Variants in MAST4 observed in about 807,000 individuals in gnomAD.
The protein encoded by MAST4 is microtubule associated serine/threonine kinase family member 4.
A neutral mutation model predicts 162.7 loss-of-function variants in MAST4; 89 were observed. The ratio of observed to expected loss-of-function variants is 0.55; its 90% CI spans 0.46 to 0.65. The LOEUF is 0.65. MAST4 is among the 30% of genes least tolerant of loss of function. MAST4 has a pLI of 0.00. For synonymous variants in MAST4, 1,479 were observed against 1,361.1 expected (o/e 1.09, Z -1.91); for missense variants, 3,153 against 3,374.0 (o/e 0.93, Z 1.62).
rs115910543 is a variant in MAST4, at chr5:66,867,923, G to A, written c.643-32028G>A. The stretch of plus-strand genomic sequence containing the variant: ...GTCTGGAATGACAGTGCCAGAGTCT[G>A]AAGGCTGTCATTTAGAAAAAGAGAA... On this transcript the variant is annotated intron_variant, in intron 3 of 28. Transcript: ENST00000403625. Among the ~76,000 whole-genome samples the A allele has an allele frequency of 2.8e-3, 419 of 152,318 alleles. 1 individual carries two copies. The highest frequency in any genetic ancestry group is 1.0e-2 in the African/African-American group (414 of 41,562).
At chr5:67,047,175 C>T (rs1037764416) in intron 4 of MAST4, among the ~76,000 whole-genome samples, 7 of 152,212 alleles carry the variant, frequency 4.6e-5, no homozygotes, top group African/African-American at 1.7e-4. Context: ...CATCCTGCTT[C>T]CTCCTTTTAA....
chr5:66,731,380 C>T (rs1018332234), intron 1 of MAST4, among the ~76,000 whole-genome samples: 1 of 152,082 alleles, frequency 6.6e-6, no homozygotes, highest in Non-Finnish European at 1.5e-5. Context: ...GGAGTTTGCT[C>T]GATTCTAGGT....
intron 1 of MAST4, among the ~76,000 whole-genome samples, chr5:66,685,261 TCAAACAAAACAAAA>T (rs796110505): frequency 0.013 from 1,289 of 100,788 alleles, 19 homozygotes; most frequent in African/African-American, 0.043. Flanking sequence ...AGACCTTGTC[TCAAACAAAACAAAA>T]CAAAACAAAA....
chr5:66,765,549 C>T (rs2149624732), intron 2 of MAST4, among the ~76,000 whole-genome samples: 1 of 152,164 alleles, frequency 6.6e-6, no homozygotes, highest in South Asian at 2.1e-4. Flanking sequence ...CTGGATGTGA[C>T]AGCTGACTGT....
chr5:66,967,168 T>G (rs1746836921), intron 4 of MAST4, among the ~76,000 whole-genome samples: 1 of 152,166 alleles, frequency 6.6e-6, no homozygotes, highest in South Asian at 2.1e-4. Flanking sequence ...GGCTTAAAGG[T>G]CTAGGACAGA....
chr5:66,841,611 T>C (rs1051183991), intron 3 of MAST4, among the ~76,000 whole-genome samples: 10 of 152,136 alleles, frequency 6.6e-5, no homozygotes, highest in African/African-American at 2.4e-4. Context: ...TTTTCTGTTT[T>C]TAATAAGGGC....
At chr5:67,087,620 C>G (rs1388573848) in intron 5 of MAST4, among the ~76,000 whole-genome samples, 9 of 152,180 alleles carry the variant, frequency 5.9e-5, no homozygotes, top group Non-Finnish European at 1.3e-4. Context: ...TGAAATTGAG[C>G]TAGAGTCCCT....
intron 3 of MAST4, among the ~76,000 whole-genome samples, chr5:66,837,890 ATATATTTT>A (rs1272625141): frequency 8.6e-4 from 24 of 28,054 alleles, no homozygotes; most frequent in Admixed American, 1.2e-3. Flanking sequence ...ATATATATAT[ATATATTTT>A]TTTTTTTTTT....
Position 66,952,961 on chromosome 5 carries a change from T to G in MAST4, c.674+52979T>G, listed in dbSNP as rs115131935. Among the ~76,000 whole-genome samples the G allele has an allele frequency of 8.5e-3, 1,300 of 152,306 alleles. 14 individuals are homozygous for G. The highest frequency in any genetic ancestry group is 0.03 in the African/African-American group (1,226 of 41,556). On this transcript the variant is annotated intron_variant, in intron 4 of 28. Transcript: ENST00000403625. ...TTTATTTTCCCTGATAAATGGAGAC[T>G]CTATAGATGTACCTTTCTGTCTCAT...
intron 5 of MAST4, among the ~76,000 whole-genome samples, chr5:67,077,879 C>A (rs1403112571): frequency 2.0e-5 from 3 of 152,138 alleles, no homozygotes; most frequent in Non-Finnish European, 4.4e-5. Flanking sequence ...ATGGGTGGAT[C>A]ACCTGAGGTC....
rs35281187 is a variant in MAST4 at position 67,029,133 on chromosome 5, C to CAA, written c.675-25260_675-25259dup. ...TGGGCGACAGCACGAGACACTCTCT[C>CAA]AAAAAAAAAAAAGTCATATACATAA... On this transcript the variant is annotated intron_variant, in intron 4 of 28. Transcript: ENST00000403625. Among the ~76,000 whole-genome samples, 1,046 of 142,694 alleles carry CAA rather than the reference C, an allele frequency of 7.3e-3. 17 individuals carry two copies. Among genetic ancestry groups the CAA allele is most frequent in the African/African-American group, 0.024 (913 of 38,834 alleles). 93.6% of individuals were successfully genotyped at this position (142,694 alleles called of 152,430 possible).
At chr5:67,108,985 C>A (rs1322908368) in intron 10 of MAST4, among the ~76,000 whole-genome samples, 7 of 151,994 alleles carry the variant, frequency 4.6e-5, no homozygotes, top group Non-Finnish European at 8.8e-5. Context: ...AGTGAACATA[C>A]AGAGAAGTTT....
chr5:66,996,447 T>C (rs1486776096), intron 4 of MAST4, among the ~76,000 whole-genome samples: 2 of 147,106 alleles, frequency 1.4e-5, no homozygotes, highest in African/African-American at 5.5e-5. Flanking sequence ...AATATCATTG[T>C]TTTAGTTTCT....
intron 4 of MAST4, among the ~76,000 whole-genome samples, chr5:67,040,728 C>T (rs1756645039): frequency 6.6e-6 from 1 of 152,184 alleles, no homozygotes; most frequent in Non-Finnish European, 1.5e-5. Flanking sequence ...TTACCAAGCT[C>T]ATGTGATTTC....
At chr5:66,666,572 G>A (rs1412120941) in intron 1 of MAST4, among the ~76,000 whole-genome samples, 1 of 152,170 alleles carries the variant, frequency 6.6e-6, no homozygotes, top group African/African-American at 2.4e-5. Context: ...ACTATGGCAA[G>A]GAAAGCTAAT....
At chr5:67,081,035 A>G (rs1321169294) in intron 5 of MAST4, among the ~76,000 whole-genome samples, 1 of 130,394 alleles carries the variant, frequency 7.7e-6, no homozygotes, top group Non-Finnish European at 1.6e-5. Context: ...ATTATATAAT[A>G]TAATATATAA....
At chr5:66,827,382 G>C (rs1400417540) in intron 3 of MAST4, among the ~76,000 whole-genome samples, 1 of 152,150 alleles carries the variant, frequency 6.6e-6, no homozygotes, top group Admixed American at 6.5e-5. Context: ...CTCTGCTGGG[G>C]TGGCATTTCT....
chr5:66,848,330 T>A (rs1759042554), intron 3 of MAST4, among the ~76,000 whole-genome samples: 1 of 152,190 alleles, frequency 6.6e-6, no homozygotes, highest in Non-Finnish European at 1.5e-5. Flanking sequence ...AAAAAGGCGA[T>A]AAGGAATGCA....
intron 7 of MAST4, among the ~76,000 whole-genome samples, chr5:67,097,791 G>C (rs1389502413): frequency 5.9e-5 from 9 of 152,066 alleles, no homozygotes; most frequent in Non-Finnish European, 2.9e-5. Flanking sequence ...ATAGAGAGAA[G>C]GAACTATTTA....
Sources: gnomAD v4.1 joint callset for allele counts (sites outside exome capture counted in the v4.1 genomes callset) on GRCh38, gnomAD v4.1.1 for gene constraint, MANE v1.5 for transcripts, NCBI Gene and HGNC (gene_info 2026-07-23, HGNC 2026-07-21) for gene names.